GRIK4: variants seen among roughly 807,000 people sequenced by gnomAD.
GRIK4 encodes glutamate receptor ionotropic, kainate 4.
A neutral mutation model predicts 104.9 loss-of-function variants in GRIK4; 40 were observed. That is an observed-to-expected ratio of 0.38 (90% CI 0.30 to 0.50). The LOEUF is 0.50. Among genes scored for constraint, GRIK4 ranks in the 20% least tolerant of loss-of-function variants. The pLI is 0.93. For synonymous variants in GRIK4, 485 were observed against 524.9 expected, an observed-to-expected ratio of 0.92 and a Z score of 1.04; for missense variants, 1,047 against 1,308.1, an observed-to-expected ratio of 0.80 and a Z score of 3.08.
At chr11:120,712,659 C>G (rs1950757969) in intron 3 of GRIK4, among the ~76,000 whole-genome samples, 1 of 151,954 alleles carries the variant, frequency 6.6e-6, no homozygotes, top group Non-Finnish European at 1.5e-5. Flanking sequence ...TAAATTCTGC[C>G]AGGGACAGGG....
chr11:120,554,001 G>A (rs887593173), intron 1 of GRIK4, among the ~76,000 whole-genome samples: 1 of 152,170 alleles, frequency 6.6e-6, no homozygotes. Context: ...GGCTGGTGCA[G>A]ATGAGACTAA....
At chr11:120,673,354 G>A (rs191080388) in intron 3 of GRIK4, among the ~76,000 whole-genome samples, 30 of 152,282 alleles carry the variant, frequency 2.0e-4, no homozygotes, top group African/African-American at 6.7e-4. Context: ...AGAGATGGGC[G>A]GTCTCACGGA....
At chr11:120,790,625 A>G (rs1591917607) in intron 3 of GRIK4, among the ~76,000 whole-genome samples, 1 of 152,230 alleles carries the variant, frequency 6.6e-6, no homozygotes. Flanking sequence ...CTGCAAAGAC[A>G]TGTTGGGGCC....
intron 3 of GRIK4, among the ~76,000 whole-genome samples, chr11:120,750,329 G>C (rs887127302): frequency 2.0e-5 from 3 of 149,874 alleles, no homozygotes; most frequent in Admixed American, 6.6e-5. Flanking sequence ...TATAAAAAAG[G>C]GATCTACAAA....
At position 120,986,302 on chromosome 11, in the gene GRIK4, AGG is replaced by A. The variant is rs755586720; in HGVS notation, c.*45_*46del. The A allele has an allele frequency of 2.5e-5, 7 of 275,920 alleles. No individual in the cohort carries two copies. Among genetic ancestry groups the A allele is most frequent in the African/African-American group, 9.5e-5 (3 of 31,620 alleles). 17.1% of individuals were successfully genotyped at this position (275,920 alleles called of 1,614,324 possible). ...ACGCGCAGAGGCCGGGCGGGGCGGG[AGG>A]GGAGGGGCGGGGCGGGCGCTGCTGT... On this transcript the variant is annotated 3_prime_UTR_variant, in exon 21 of 21. Coordinates refer to ENST00000527524, the MANE Select transcript of GRIK4 (RefSeq NM_014619.5).
At chr11:120,864,260 A>G (rs1257074710) in intron 9 of GRIK4, among the ~76,000 whole-genome samples, 1 of 144,600 alleles carries the variant, frequency 6.9e-6, no homozygotes, top group African/African-American at 2.6e-5. Context: ...TTTATTTTTG[A>G]GATGGAGTCT....
At chr11:120,518,327 A>G (rs1947755449) in intron 1 of GRIK4, among the ~76,000 whole-genome samples, 1 of 152,174 alleles carries the variant, frequency 6.6e-6, no homozygotes, top group Admixed American at 6.5e-5. Flanking sequence ...GGTTATTAGT[A>G]GTTATTATTG....
Position 120,660,257 on chromosome 11 carries a change from C to G in GRIK4, c.-50-12C>G. 8.1e-7 allele frequency: 1 copy of G among 1,228,008 alleles called. No homozygotes were observed. The highest frequency in any genetic ancestry group is 1.2e-6 in the Non-Finnish European group (1 of 835,374). The allele number at this position is 1,228,008 out of a possible 1,614,324, so 76.1% of individuals were successfully genotyped here. A position where few individuals can be genotyped will look rare whatever the true frequency, so the allele number is the denominator to read the frequency against. On this transcript the variant is annotated splice_polypyrimidine_tract_variant and intron_variant, in intron 2 of 20. Transcript: ENST00000527524. ...CCTGGGACTCACGTGCCCCCAACCC[C>G]CTCTCTCGCAGAGTTATGTCATGCC...
At chr11:120,560,211 G>C (rs946818169) in intron 1 of GRIK4, among the ~76,000 whole-genome samples, 1 of 152,056 alleles carries the variant, frequency 6.6e-6, no homozygotes, top group Non-Finnish European at 1.5e-5. Context: ...ACCACGCCCG[G>C]CTAATTTTTT....
chr11:120,944,592 G>C (rs1943811552), intron 14 of GRIK4, among the ~76,000 whole-genome samples: 2 of 152,080 alleles, frequency 1.3e-5, no homozygotes, highest in African/African-American at 4.8e-5. Flanking sequence ...AAATATACTG[G>C]GTATCCCCAC....
chr11:120,581,028 G>A (rs1264302150), intron 1 of GRIK4, among the ~76,000 whole-genome samples: 1 of 152,176 alleles, frequency 6.6e-6, no homozygotes, highest in Non-Finnish European at 1.5e-5. Flanking sequence ...GACTTAAGAT[G>A]TGTCTTTTCA....
At chr11:120,781,550 C>T (rs1245398649) in intron 3 of GRIK4, among the ~76,000 whole-genome samples, 3 of 152,100 alleles carry the variant, frequency 2.0e-5, no homozygotes, top group African/African-American at 7.2e-5. Flanking sequence ...AGGGGTCTCA[C>T]TATATCGTCC....
At chr11:120,565,105 A>T (rs1326150022) in intron 1 of GRIK4, among the ~76,000 whole-genome samples, 3 of 152,116 alleles carry the variant, frequency 2.0e-5, no homozygotes, top group African/African-American at 7.2e-5. Flanking sequence ...GATGCGGGGC[A>T]GCGTGGGAGG....
intron 3 of GRIK4, among the ~76,000 whole-genome samples, chr11:120,755,222 T>C (rs1951631635): frequency 6.6e-6 from 1 of 151,984 alleles, no homozygotes; most frequent in South Asian, 2.1e-4. Context: ...CAGTGTGTGG[T>C]GAGGAGAACA....
At chr11:120,576,152 G>A (rs1369149269) in intron 1 of GRIK4, among the ~76,000 whole-genome samples, 1 of 152,138 alleles carries the variant, frequency 6.6e-6, no homozygotes, top group African/African-American at 2.4e-5. Flanking sequence ...AAAAGGAATA[G>A]TCCATCTTCC....
At chr11:120,629,919 G>T (rs1426969893) in intron 1 of GRIK4, among the ~76,000 whole-genome samples, 1 of 152,180 alleles carries the variant, frequency 6.6e-6, no homozygotes, top group African/African-American at 2.4e-5. Flanking sequence ...CTGTCCTAGT[G>T]CTAATCCAGT....
intron 13 of GRIK4, among the ~76,000 whole-genome samples, chr11:120,931,632 T>G (rs1397243412): frequency 2.0e-5 from 3 of 152,204 alleles, no homozygotes; most frequent in Non-Finnish European, 4.4e-5. Flanking sequence ...GTGCCTCAGT[T>G]TTCTCATCTG....
intron 1 of GRIK4, among the ~76,000 whole-genome samples, chr11:120,530,031 A>G (rs1036909888): frequency 1.3e-5 from 2 of 152,182 alleles, no homozygotes; most frequent in Admixed American, 6.5e-5. Context: ...GCTTAGGAGT[A>G]AGGGTGCCCC....
chr11:120,832,780 G>A (rs377304629), intron 7 of GRIK4, among the ~76,000 whole-genome samples: 49 of 152,282 alleles, frequency 3.2e-4, no homozygotes, highest in African/African-American at 1.1e-3. Context: ...GAGAGACGTC[G>A]GGAGCCTAGG....
Sources: allele counts gnomAD v4.1 joint callset (sites outside exome capture counted in the v4.1 genomes callset), GRCh38; gene constraint gnomAD v4.1.1; transcripts MANE v1.5; gene names NCBI Gene and HGNC (gene_info 2026-07-23, HGNC 2026-07-21).